Variants in TRIO observed in about 807,000 individuals in gnomAD.
The protein encoded by TRIO is triple functional domain protein.
In TRIO, 58 loss-of-function variants were observed where a neutral mutation model predicts 351.9. The observed-to-expected ratio is 0.16, with a 90% CI of 0.13 to 0.21. The LOEUF is 0.21. Ranked by LOEUF, TRIO falls within the 10% of genes least tolerant of loss-of-function variation. TRIO has a pLI of 1.00. For missense variants in TRIO, 3,201 were observed against 4,027.8 expected (o/e 0.79, Z 5.56); for synonymous variants, 1,758 against 1,595.7 (o/e 1.10, Z -2.42).
At chr5:14,506,322 C>A (rs1757681372) in intron 55 of TRIO, among the ~76,000 whole-genome samples, 1 of 152,150 alleles carries the variant, frequency 6.6e-6, no homozygotes, top group South Asian at 2.1e-4. Context: ...CCTGTTCTCA[C>A]CGGCGACTCC....
chr5:14,279,575 A>G (rs570839082), intron 2 of TRIO, among the ~76,000 whole-genome samples: 1 of 152,278 alleles, frequency 6.6e-6, no homozygotes, highest in East Asian at 1.9e-4. Context: ...AAATGTGACA[A>G]TTTTACCATA....
chr5:14,322,966 T>C (rs1740021152), intron 9 of TRIO, among the ~76,000 whole-genome samples: 1 of 152,150 alleles, frequency 6.6e-6, no homozygotes, highest in Admixed American at 6.5e-5. Flanking sequence ...TAATTAACCT[T>C]CTGCAGTAGT....
intron 34 of TRIO, among the ~76,000 whole-genome samples, chr5:14,423,646 A>C (rs1182175642): frequency 6.6e-6 from 1 of 152,216 alleles, no homozygotes; most frequent in Admixed American, 6.5e-5. Flanking sequence ...AAAAGTAGCC[A>C]GGAAAAAGCA....
At chr5:14,158,103 T>C (rs1788224680) in intron 1 of TRIO, among the ~76,000 whole-genome samples, 1 of 152,204 alleles carries the variant, frequency 6.6e-6, no homozygotes, top group Non-Finnish European at 1.5e-5. Context: ...CTTATTAATA[T>C]TTTAATGGAG....
At chr5:14,183,062 G>T (rs1284581603) in intron 1 of TRIO, among the ~76,000 whole-genome samples, 1 of 152,154 alleles carries the variant, frequency 6.6e-6, no homozygotes, top group East Asian at 1.9e-4. Context: ...TCTAGGATGG[G>T]GCCAGCTGCT....
chr5:14,229,147 G>A (rs1039839127), intron 1 of TRIO, among the ~76,000 whole-genome samples: 8 of 151,720 alleles, frequency 5.3e-5, no homozygotes, highest in Non-Finnish European at 8.8e-5. Context: ...ACACACCAGG[G>A]TATGTCTGAT....
chr5:14,438,136 G>A (rs115525726), intron 34 of TRIO, among the ~76,000 whole-genome samples: 105 of 152,272 alleles, frequency 6.9e-4, no homozygotes, highest in Non-Finnish European at 1.2e-3. Context: ...TACATTACAC[G>A]TGTTCTCTTC....
chr5:14,346,002 G>A (rs1341485203), intron 11 of TRIO, among the ~76,000 whole-genome samples: 1 of 152,164 alleles, frequency 6.6e-6, no homozygotes, highest in Non-Finnish European at 1.5e-5. Flanking sequence ...ATGTATTTCT[G>A]ACACATTTGT....
chr5:14,284,843 A>G (rs1215765343), intron 3 of TRIO, among the ~76,000 whole-genome samples: 1 of 152,186 alleles, frequency 6.6e-6, no homozygotes, highest in African/African-American at 2.4e-5. Flanking sequence ...GCAGCAGAAT[A>G]TGTGAATCTG....
chr5:14,290,495 C>T (rs138733186), intron 4 of TRIO, among the ~76,000 whole-genome samples: 120 of 152,272 alleles, frequency 7.9e-4, no homozygotes, highest in African/African-American at 2.7e-3. Context: ...GGTATTCCAG[C>T]TGACATATAT....
At chr5:14,294,002 C>A (rs1737130584) in intron 6 of TRIO, among the ~76,000 whole-genome samples, 1 of 74,598 alleles carries the variant, frequency 1.3e-5, no homozygotes, top group South Asian at 3.7e-4. Flanking sequence ...ACAGCAAGAC[C>A]CCATCTCTAA....
At position 14,268,245 on chromosome 5, in the gene TRIO, A is replaced by G. The variant is rs1481676710; in HGVS notation, c.158-2580A>G. On this transcript the variant is annotated intron_variant, in intron 1 of 56. Transcript: ENST00000344204. ...TTTTCTGCACCCTACTTTCAAATCA[A>G]TATGCTATTCCTCCTGTGAGATGGC... 2.0e-5 allele frequency among the ~76,000 whole-genome samples: 3 copies of G among 152,174 alleles called. 1 individual carries two copies. The East Asian group carries it at 5.8e-4, about 29-fold the overall frequency.
At chr5:14,275,822 A>AAT (rs60490759) in intron 2 of TRIO, among the ~76,000 whole-genome samples, 10 of 149,016 alleles carry the variant, frequency 6.7e-5, no homozygotes, top group East Asian at 2.0e-4. Flanking sequence ...GTAATACACA[A>AAT]ATATATATAT....
At chr5:14,192,746 A>C (rs896714278) in intron 1 of TRIO, among the ~76,000 whole-genome samples, 1 of 152,200 alleles carries the variant, frequency 6.6e-6, no homozygotes, top group African/African-American at 2.4e-5. Context: ...CTGGGTTGCT[A>C]TTGTATTAAA....
chr5:14,507,419 C>CTT lies in TRIO; in HGVS notation c.8751+160_8751+161insTT, dbSNP rs34873136. On this transcript the variant is annotated intron_variant, in intron 56 of 56. Coordinates refer to ENST00000344204, the MANE Select transcript of TRIO (RefSeq NM_007118.4). ...AGACACTGATTGCTAATCTCTCTCT[C>CTT]TAAGCGTTTGCGTTCAGTGATGCAC... Among the ~76,000 whole-genome samples, 677 of 151,830 alleles carry CTT rather than the reference C, an allele frequency of 4.5e-3. 6 individuals carry two copies. The highest frequency in any genetic ancestry group is 0.015 in the African/African-American group (603 of 41,400).
chr5:14,219,687 G>A (rs1175026698), intron 1 of TRIO, among the ~76,000 whole-genome samples: 3 of 152,136 alleles, frequency 2.0e-5, no homozygotes, highest in Non-Finnish European at 2.9e-5. Flanking sequence ...CTGTGAAAAC[G>A]CAGAATCCTC....
intron 11 of TRIO, among the ~76,000 whole-genome samples, chr5:14,350,302 G>T (rs1363705582): frequency 6.6e-6 from 1 of 152,344 alleles, no homozygotes; most frequent in South Asian, 2.1e-4. Context: ...CTCTCCAAAT[G>T]ACCTGAGGGT....
rs367802689 is a variant in TRIO, at chr5:14,480,222, G to GA, written c.6336+217dup. Among the ~76,000 whole-genome samples the GA allele has an allele frequency of 6.1e-3, 923 of 152,282 alleles. 7 individuals carry two copies. Among genetic ancestry groups the GA allele is most frequent in the African/African-American group, 0.021 (872 of 41,554 alleles). The stretch of plus-strand genomic sequence containing the variant: ...CTCTGGTGTCAGGAGTGAGTTTGCT[G>GA]AAAAAATAAGACTCAGTGGGGGAAA... On this transcript the variant is annotated intron_variant, in intron 43 of 56. Transcript: ENST00000344204.
intron 1 of TRIO, among the ~76,000 whole-genome samples, chr5:14,233,390 T>A (rs1264909392): frequency 6.7e-6 from 1 of 150,200 alleles, no homozygotes; most frequent in Non-Finnish European, 1.5e-5. Context: ...CTTGGGAGGC[T>A]GAAGTGGGAG....
Sources: gnomAD v4.1 joint callset for allele counts (sites outside exome capture counted in the v4.1 genomes callset) on GRCh38, gnomAD v4.1.1 for gene constraint, MANE v1.5 for transcripts, NCBI Gene and HGNC (gene_info 2026-07-23, HGNC 2026-07-21) for gene names.